The following HPSE2 variants were observed in gnomAD, a reference collection of about 807,000 sequenced individuals.
HPSE2 encodes the protein inactive heparanase-2.
Under a neutral mutation model 60.5 loss-of-function variants are expected in HPSE2, and 38 were observed. The observed-to-expected ratio is 0.63, with a 90% CI of 0.48 to 0.82. The LOEUF is 0.82. Ranked by LOEUF, HPSE2 falls within the 40% of genes least tolerant of loss-of-function variation. The pLI, the probability that HPSE2 is intolerant of heterozygous loss-of-function variation, is 0.00. For missense variants in HPSE2, 713 were observed against 740.4 expected (o/e 0.96, Z 0.43); for synonymous variants, 295 against 293.2 (o/e 1.01, Z -0.06).
chr10:99,202,446 G>T (rs1848606497), intron 2 of HPSE2, among the ~76,000 whole-genome samples: 1 of 152,188 alleles, frequency 6.6e-6, no homozygotes, highest in Non-Finnish European at 1.5e-5. Flanking sequence ...GAAGACGACA[G>T]ATTTTAGAAT....
At chr10:99,047,006 T>C (rs1382377708) in intron 3 of HPSE2, among the ~76,000 whole-genome samples, 1 of 152,016 alleles carries the variant, frequency 6.6e-6, no homozygotes, top group African/African-American at 2.4e-5. Flanking sequence ...TGAACCCAAA[T>C]AGCCAAAGCA....
At chr10:98,937,359 T>G (rs1954832179) in intron 3 of HPSE2, among the ~76,000 whole-genome samples, 1 of 144,626 alleles carries the variant, frequency 6.9e-6, no homozygotes, top group South Asian at 2.1e-4. Context: ...AGACGGCACC[T>G]GGAAATTCGG....
chr10:98,914,575 G>A (rs1309346022), intron 3 of HPSE2, among the ~76,000 whole-genome samples: 1 of 146,980 alleles, frequency 6.8e-6, no homozygotes, highest in Non-Finnish European at 1.5e-5. Context: ...AACTGTACTT[G>A]GTAACTTGAT....
intron 9 of HPSE2, among the ~76,000 whole-genome samples, chr10:98,536,853 A>G (rs1943298901): frequency 6.6e-6 from 1 of 152,114 alleles, no homozygotes. Flanking sequence ...GGACTAAAAT[A>G]AGTTCTGTTT....
At chr10:98,944,497 G>A (rs1955122009) in intron 3 of HPSE2, among the ~76,000 whole-genome samples, 1 of 152,166 alleles carries the variant, frequency 6.6e-6, no homozygotes, top group Non-Finnish European at 1.5e-5. Context: ...TACTATTTCA[G>A]TGGTTTTGAG....
intron 3 of HPSE2, among the ~76,000 whole-genome samples, chr10:98,760,311 G>T (rs1949976634): frequency 6.6e-6 from 1 of 151,904 alleles, no homozygotes; most frequent in East Asian, 1.9e-4. Flanking sequence ...TTGTCCACTT[G>T]GTCTGGGTAG....
At chr10:98,751,615 C>A (rs1949760781) in intron 3 of HPSE2, among the ~76,000 whole-genome samples, 1 of 152,164 alleles carries the variant, frequency 6.6e-6, no homozygotes. Context: ...GCCTATAGAA[C>A]AGTATCAACT....
chr10:98,495,408 A>G (rs566335980), intron 9 of HPSE2, among the ~76,000 whole-genome samples: 109 of 152,176 alleles, frequency 7.2e-4, no homozygotes, highest in Admixed American at 8.5e-4. Flanking sequence ...TTGGATGTTT[A>G]TGTGCATGTT....
At chr10:98,559,641 C>T (rs1292591730) in intron 9 of HPSE2, among the ~76,000 whole-genome samples, 2 of 152,138 alleles carry the variant, frequency 1.3e-5, no homozygotes, top group East Asian at 1.9e-4. Context: ...TTGTTATGTG[C>T]CAGACTGTTC....
At chr10:99,239,926 C>T (rs533729200), upstream of HPSE2, among the ~76,000 whole-genome samples, 2 of 152,024 alleles carry the variant, frequency 1.3e-5, no homozygotes, top group African/African-American at 2.4e-5. Flanking sequence ...CAGTGGCTCA[C>T]GCCTGTAATT....
At chr10:99,015,058 C>G (rs1957106990) in intron 3 of HPSE2, among the ~76,000 whole-genome samples, 1 of 152,128 alleles carries the variant, frequency 6.6e-6, no homozygotes, top group Non-Finnish European at 1.5e-5. Context: ...CCAAAAGACA[C>G]ATGAAAAAAG....
At chr10:98,877,078 CTCTTATA>C (rs1430834924) in intron 3 of HPSE2, among the ~76,000 whole-genome samples, 1 of 151,802 alleles carries the variant, frequency 6.6e-6, no homozygotes, top group African/African-American at 2.4e-5. Flanking sequence ...TGTGAAATAT[CTCTTATA>C]TAAGAACCTG....
At chr10:98,513,441 G>A (rs770435066) in intron 9 of HPSE2, among the ~76,000 whole-genome samples, 22 of 152,238 alleles carry the variant, frequency 1.4e-4, no homozygotes, top group African/African-American at 3.1e-4. Context: ...ATGGAGACCC[G>A]TGAAGCCCTC....
chr10:98,620,565 GA>G, intron 8 of HPSE2, 36 bp downstream of exon 8: 1 of 1,482,428 alleles, frequency 6.7e-7, no homozygotes, highest in Non-Finnish European at 9.4e-7. Context: ...CTTCCCTCCT[GA>G]AAGCCCCTGG....
intron 3 of HPSE2, among the ~76,000 whole-genome samples, chr10:98,816,124 CAT>C (rs1229243817): frequency 6.6e-6 from 1 of 151,610 alleles, no homozygotes; most frequent in African/African-American, 2.4e-5. Flanking sequence ...CACACGTATA[CAT>C]ATGTTACAAA....
At chr10:98,507,668 C>A (rs1370477674) in intron 9 of HPSE2, among the ~76,000 whole-genome samples, 3 of 152,108 alleles carry the variant, frequency 2.0e-5, no homozygotes, top group Non-Finnish European at 4.4e-5. Context: ...CGTCCTCCCC[C>A]TCTCTATCCT....
intron 10 of HPSE2, among the ~76,000 whole-genome samples, chr10:98,484,030 A>G (rs1027096425): frequency 6.6e-6 from 1 of 152,142 alleles, no homozygotes; most frequent in Admixed American, 6.5e-5. Flanking sequence ...TTCTTTTAAA[A>G]TACCTTTGTC....
At chr10:99,205,291 T>C (rs943899434) in intron 2 of HPSE2, among the ~76,000 whole-genome samples, 10 of 152,010 alleles carry the variant, frequency 6.6e-5, no homozygotes, top group African/African-American at 2.2e-4. Flanking sequence ...GAGTAATGTT[T>C]AAGAGAAAAA....
At chr10:98,633,511 C>T (rs973978064) in intron 7 of HPSE2, among the ~76,000 whole-genome samples, 25 of 152,226 alleles carry the variant, frequency 1.6e-4, no homozygotes, top group Middle Eastern at 3.4e-3. Flanking sequence ...CCACGCCCAG[C>T]CCATGATTTT....
Sources: allele counts gnomAD v4.1 joint callset (sites outside exome capture counted in the v4.1 genomes callset), GRCh38; gene constraint gnomAD v4.1.1; transcripts MANE v1.5; gene names NCBI Gene and HGNC (gene_info 2026-07-23, HGNC 2026-07-21).